The following PTPRB variants were observed in gnomAD, a reference collection of about 807,000 sequenced individuals.
The protein encoded by PTPRB is protein tyrosine phosphatase receptor type B, also known as receptor-type tyrosine-protein phosphatase beta.
A neutral mutation model predicts 238.1 loss-of-function variants in PTPRB; 97 were observed. The ratio of observed to expected loss-of-function variants is 0.41; its 90% CI spans 0.35 to 0.48. The LOEUF is 0.48. Among genes scored for constraint, PTPRB ranks in the 20% least tolerant of loss-of-function variants. PTPRB has a pLI of 0.30. For missense variants in PTPRB, 2,292 were observed against 2,681.9 expected (o/e 0.85, Z 3.21); for synonymous variants, 970 against 995.4 (o/e 0.97, Z 0.48).
At chr12:70,606,344 C>T (rs1883939655) in intron 4 of PTPRB, among the ~76,000 whole-genome samples, 1 of 152,164 alleles carries the variant, frequency 6.6e-6, no homozygotes, top group African/African-American at 2.4e-5. Flanking sequence ...TGGAAAATGA[C>T]TATTGCTGAA....
At chr12:70,600,430 T>C (rs1012980804) in intron 4 of PTPRB, among the ~76,000 whole-genome samples, 8 of 152,208 alleles carry the variant, frequency 5.3e-5, no homozygotes, top group Non-Finnish European at 1.0e-4. Flanking sequence ...ATGAATTGCA[T>C]ATTCAGTGTA....
chr12:70,609,063 C>A lies in PTPRB; in HGVS notation c.979+6G>T, dbSNP rs767370524. The stretch of plus-strand genomic sequence containing the variant: ...TGGCCATCCAATTGCACCTGTCATC[C>A]TTTACCTGTTTGCAAGACCACTGTT... On this transcript the variant is annotated splice_donor_region_variant and intron_variant, in intron 4 of 33. Transcript: ENST00000334414. The A allele has an allele frequency of 1.2e-6, 2 of 1,613,796 alleles. No individual in the cohort carries two copies. The highest frequency in any genetic ancestry group is 1.1e-5 in the South Asian group (1 of 91,044).
intron 3 of PTPRB, among the ~76,000 whole-genome samples, chr12:70,619,310 G>GATGATGATAATGATGATGATA (rs1555239532): frequency 3.5e-5 from 5 of 143,386 alleles, no homozygotes; most frequent in African/African-American, 1.4e-4. Context: ...TGATGATGAT[G>GATGATGATAATGATGATGATA]ATGATAATGA....
At chr12:70,631,783 A>T in intron 2 of PTPRB, among the ~76,000 whole-genome samples, 1 of 152,232 alleles carries the variant, frequency 6.6e-6, no homozygotes, top group Admixed American at 6.5e-5. Context: ...ATGAACAGAC[A>T]CTTCTAAAAA....
chr12:70,562,743 C>T (rs1878657576), intron 16 of PTPRB, 101 bp downstream of exon 16: 2 of 1,392,670 alleles, frequency 1.4e-6, no homozygotes, highest in East Asian at 4.6e-5. Flanking sequence ...TATAAAGCTA[C>T]ATCCTGAATA....
rs751978370 is a variant in PTPRB at position 70,532,215 on chromosome 12, G to A, written c.6369-45C>T. On this transcript the variant is annotated intron_variant, in intron 31 of 33. Coordinates refer to ENST00000334414, the MANE Select transcript of PTPRB (RefSeq NM_001109754.4). Reference sequence around the variant, plus strand: ...AAGATTGAGCCTTTTTATTAAATTTGCCTTTCAAGATTGCATCTAGAGACT... The same window carrying A: ...AAGATTGAGCCTTTTTATTAAATTTACCTTTCAAGATTGCATCTAGAGACT... 4 of 1,526,220 alleles carry A rather than the reference G, an allele frequency of 2.6e-6. No homozygotes were observed. In the Admixed American group the frequency reaches 8.7e-5, roughly 33 times the overall value. 94.5% of individuals were successfully genotyped at this position (1,526,220 alleles called of 1,614,324 possible). A position where few individuals can be genotyped will look rare whatever the true frequency, so the allele number is the denominator to read the frequency against.
intron 7 of PTPRB, among the ~76,000 whole-genome samples, chr12:70,590,892 C>T (rs1477623246): frequency 2.7e-5 from 4 of 150,412 alleles, no homozygotes; most frequent in Middle Eastern, 3.4e-3. Context: ...TTGTCACAAA[C>T]GTTACATTTT....
chr12:70,567,824 A>G (rs1879501039), intron 14 of PTPRB, among the ~76,000 whole-genome samples: 1 of 152,174 alleles, frequency 6.6e-6, no homozygotes, highest in African/African-American at 2.4e-5. Flanking sequence ...ACCTGGCCAC[A>G]TGCCTCACAT....
chr12:70,524,630 C>A, intron 32 of PTPRB, 39 bp from the exon 33 acceptor site: 1 of 1,555,472 alleles, frequency 6.4e-7, no homozygotes, highest in South Asian at 1.2e-5. Context: ...AGGGCCTGTT[C>A]TCATGCATAA....
chr12:70,566,680 A>G lies in PTPRB; in HGVS notation c.3659T>C (p.Ile1220Thr), dbSNP rs371533877. ...ATAACTGCTGTATGCATTGTCTGCA[A>G]TTACTCCTTGGACAGATGCTGGAAC... ...RTVPASVQGV[I>T]ADNAYSSYSL... is the part of the protein sequence containing the mutation. The change falls in exon 15 of 34, where the codon ATT becomes ACT. Residue 1220 changes from isoleucine (I) to threonine (T), a missense_variant. Around this residue, in one of 4 missense-constraint regions of PTPRB, gnomAD observed 683 missense variants for 862.0 expected, o/e 0.79. Coordinates refer to ENST00000334414, the MANE Select transcript of PTPRB (RefSeq NM_001109754.4). 98 of 1,613,936 alleles carry G rather than the reference A, an allele frequency of 6.1e-5. No homozygotes were observed. The African/African-American group carries it at 9.5e-4, about 16-fold the overall frequency.
chr12:70,594,354 T>G, intron 6 of PTPRB, 113 bp downstream of exon 6: 1 of 1,375,422 alleles, frequency 7.3e-7, no homozygotes, highest in Middle Eastern at 2.1e-4. Context: ...CTTCTATACC[T>G]TATAAGAATT....
chr12:70,561,854 G>A (rs781079788), intron 16 of PTPRB, among the ~76,000 whole-genome samples: 21 of 152,164 alleles, frequency 1.4e-4, no homozygotes, highest in Admixed American at 9.8e-4. Context: ...TTCCCTCCCC[G>A]CTATTGCAGA....
intron 21 of PTPRB, among the ~76,000 whole-genome samples, chr12:70,547,483 G>A (rs950801321): frequency 4.6e-5 from 7 of 151,390 alleles, no homozygotes; most frequent in African/African-American, 1.7e-4. Flanking sequence ...TTATAAGTGT[G>A]GAAATACTTT....
At chr12:70,595,288 G>T (rs1193221483) in intron 5 of PTPRB, among the ~76,000 whole-genome samples, 4 of 152,008 alleles carry the variant, frequency 2.6e-5, no homozygotes, top group Non-Finnish European at 5.9e-5. Flanking sequence ...TCACACACGG[G>T]GACCTGTTGG....
intron 10 of PTPRB, 37 bp from the exon 11 acceptor site, chr12:70,576,682 G>GGGGGGGGGGGA (rs1565967535): frequency 1.7e-5 from 2 of 116,346 alleles, no homozygotes; most frequent in African/African-American, 6.2e-5. Context: ...GGGGGGGGGG[G>GGGGGGGGGGGA]AAGGGGGATT....
intron 4 of PTPRB, among the ~76,000 whole-genome samples, chr12:70,601,790 CT>C (rs200227553): frequency 0.029 from 3,661 of 127,444 alleles, 17 homozygotes; most frequent in Non-Finnish European, 0.04. Flanking sequence ...TTTCTTTTTT[CT>C]TTTTTTTTTT....
intron 28 of PTPRB, 41 bp downstream of exon 28, chr12:70,538,114 A>G (rs767665330): frequency 6.5e-7 from 1 of 1,544,902 alleles, no homozygotes; most frequent in Admixed American, 1.8e-5. Context: ...GCCACCCACC[A>G]AAGCCTCATC....
At chr12:70,556,740 A>G (rs1003822642) in intron 18 of PTPRB, among the ~76,000 whole-genome samples, 1 of 152,228 alleles carries the variant, frequency 6.6e-6, no homozygotes, top group Non-Finnish European at 1.5e-5. Context: ...AAAATCAAAG[A>G]TAAAGAAAAA....
At chr12:70,528,463 C>T (rs976865675) in intron 32 of PTPRB, among the ~76,000 whole-genome samples, 1 of 151,920 alleles carries the variant, frequency 6.6e-6, no homozygotes, top group East Asian at 2.0e-4. Context: ...GGAGGCTACT[C>T]ATTAGCAGGG....
Sources: gnomAD v4.1 joint callset for allele counts (sites outside exome capture counted in the v4.1 genomes callset) on GRCh38, gnomAD v4.1.1 for gene constraint, gnomAD v4.1.1 regional missense constraint, MANE v1.5 for transcripts, NCBI Gene and HGNC (gene_info 2026-07-23, HGNC 2026-07-21) for gene names.